The following RBM6 variants were observed in gnomAD, a reference collection of about 807,000 sequenced individuals.
RBM6 encodes the protein RNA binding motif protein 6.
RBM6 carries 23 observed loss-of-function variants against 140.4 expected under a neutral mutation model. The observed-to-expected ratio is 0.16, with a 90% CI of 0.12 to 0.23. RBM6 has a LOEUF of 0.23. Among genes scored for constraint, RBM6 ranks in the 10% least tolerant of loss-of-function variants. RBM6 has a pLI of 1.00. For missense variants in RBM6, 1,139 were observed against 1,386.7 expected, an observed-to-expected ratio of 0.82 and a Z score of 2.84; for synonymous variants, 439 against 475.6, an observed-to-expected ratio of 0.92 and a Z score of 1.00.
intron 5 of RBM6, 38 bp downstream of exon 5, chr3:49,975,430 A>G (rs771947816): frequency 3.4e-5 from 51 of 1,518,382 alleles, no homozygotes; most frequent in Non-Finnish European, 4.3e-5. Context: ...TGGGTTAGGA[A>G]GGGTCTTTGT....
intron 15 of RBM6, among the ~76,000 whole-genome samples, chr3:50,062,694 C>T (rs1233437421): frequency 1.3e-5 from 2 of 152,004 alleles, no homozygotes; most frequent in Admixed American, 6.6e-5. Context: ...TAGTGTTTGA[C>T]TTTATACACA....
intron 20 of RBM6, 101 bp downstream of exon 20, chr3:50,075,431 T>C: frequency 6.8e-7 from 1 of 1,461,422 alleles, no homozygotes; most frequent in Non-Finnish European, 9.3e-7. Flanking sequence ...TGCTGGGCTT[T>C]CTCTACTGCT....
rs35205938 is a variant in RBM6 at position 49,979,438 on chromosome 3, G to GTT, written c.1483+4063_1483+4064dup. ...TATTTGATGTGTATTTGCTTACTTTGTTTTTTTTTTTTTTTTTTGAGATGA... is the reference window on the plus strand; with the variant it reads ...TATTTGATGTGTATTTGCTTACTTTGTTTTTTTTTTTTTTTTTTTTGAGATGA... On this transcript the variant is annotated intron_variant, in intron 5 of 20. Coordinates refer to ENST00000266022, the MANE Select transcript of RBM6 (RefSeq NM_005777.3). Among the ~76,000 whole-genome samples the GTT allele has an allele frequency of 8.5e-4, 106 of 124,574 alleles. 2 individuals are homozygous for GTT. Among genetic ancestry groups the GTT allele is most frequent in the South Asian group, 1.6e-3 (6 of 3,774 alleles). 81.7% of individuals were successfully genotyped at this position (124,574 alleles called of 152,430 possible).
At chr3:49,947,592 C>G (rs2083551898) in intron 1 of RBM6, among the ~76,000 whole-genome samples, 3 of 152,122 alleles carry the variant, frequency 2.0e-5, no homozygotes, top group Non-Finnish European at 4.4e-5. Flanking sequence ...CAGAGGTTTT[C>G]ATTTTGATGA....
At chr3:49,955,690 A>G (rs562613049) in intron 1 of RBM6, among the ~76,000 whole-genome samples, 2 of 152,086 alleles carry the variant, frequency 1.3e-5, no homozygotes, top group Non-Finnish European at 2.9e-5. Flanking sequence ...TAAAAATACA[A>G]AAATTAGCTG....
At chr3:50,002,198 C>G (rs12637222) in intron 6 of RBM6, among the ~76,000 whole-genome samples, 11,941 of 152,026 alleles carry the variant, frequency 0.079, 517 homozygotes, top group African/African-American at 0.1. Context: ...AGAGATCCTC[C>G]TGTCTCAGCC....
intron 7 of RBM6, among the ~76,000 whole-genome samples, chr3:50,048,691 G>A (rs563814195): frequency 8.5e-5 from 13 of 152,240 alleles, no homozygotes; most frequent in Admixed American, 3.3e-4. Flanking sequence ...TTTGGGAGTC[G>A]TACATTTTTT....
At chr3:50,040,541 C>T (rs1343349461) in intron 6 of RBM6, among the ~76,000 whole-genome samples, 1 of 145,828 alleles carries the variant, frequency 6.9e-6, no homozygotes, top group Admixed American at 6.9e-5. Flanking sequence ...TACACACACA[C>T]ATGCATATAT....
At chr3:50,011,041 A>T (rs893930455) in intron 6 of RBM6, among the ~76,000 whole-genome samples, 1 of 151,662 alleles carries the variant, frequency 6.6e-6, no homozygotes, top group Non-Finnish European at 1.5e-5. Flanking sequence ...TCAGTTTGTC[A>T]GGAAGTTAGA....
Position 49,968,296 on chromosome 3 carries a change from A to G in RBM6, c.871A>G (p.Asn291Asp), listed in dbSNP as rs1227489230. The change falls in exon 3 of 21, where the codon AAT (asparagine) becomes GAT (aspartate). Residue 291 changes from asparagine (N) to aspartate (D), a missense_variant. Coordinates refer to ENST00000266022, the MANE Select transcript of RBM6 (RefSeq NM_005777.3). ...KDREMPPVDP[N>D]ILDYIQPSTQ... ...TAGGGAGATGCCCCCTGTGGATCCA[A>G]ATATTTTGGATTACATTCAGCCCTC... The G allele has an allele frequency of 2.5e-6, 4 of 1,613,996 alleles. No homozygotes were observed. The highest frequency in any genetic ancestry group is 1.1e-5 in the South Asian group (1 of 91,082).
chr3:50,051,623 A>C (rs2089470277), intron 7 of RBM6, among the ~76,000 whole-genome samples: 1 of 152,270 alleles, frequency 6.6e-6, no homozygotes, highest in South Asian at 2.1e-4. Context: ...CCTGGACATC[A>C]AGAGTGAAAC....
chr3:49,984,618 A>G (rs1244286372), intron 5 of RBM6, among the ~76,000 whole-genome samples: 1 of 148,590 alleles, frequency 6.7e-6, no homozygotes, highest in South Asian at 2.2e-4. Flanking sequence ...ATCACATCGC[A>G]TCGCATCGCA....
intron 4 of RBM6, 70 bp downstream of exon 4, chr3:49,972,218 T>C: frequency 1.6e-6 from 2 of 1,240,554 alleles, no homozygotes; most frequent in South Asian, 1.3e-5. Flanking sequence ...ATTTGAAAAA[T>C]TGTAGATTCA....
In RBM6 at chr3:50,024,385, T is replaced by C. The variant is rs141868661; in HGVS notation, c.1558-23860T>C. Among the ~76,000 whole-genome samples, 1,032 of 151,986 alleles carry C rather than the reference T, an allele frequency of 6.8e-3. 15 individuals are homozygous for C. The highest frequency in any genetic ancestry group is 0.024 in the African/African-American group (983 of 41,442). On this transcript the variant is annotated intron_variant, in intron 6 of 20. Transcript: ENST00000266022. ...CACCTGAATGAAAAAAACAGAACAC[T>C]GCTTCATATGGAGAAGCCCCTCCTG...
At chr3:50,071,811 C>T (rs551431606) in intron 19 of RBM6, among the ~76,000 whole-genome samples, 60 of 151,926 alleles carry the variant, frequency 3.9e-4, no homozygotes, top group Non-Finnish European at 3.5e-4. Flanking sequence ...GGGGGCCAGG[C>T]GTGGTGGCTT....
chr3:50,014,989 C>T (rs938270466), intron 6 of RBM6, among the ~76,000 whole-genome samples: 4 of 117,980 alleles, frequency 3.4e-5, no homozygotes, highest in East Asian at 5.5e-4. Flanking sequence ...GTGGAGGTTG[C>T]GGTGAGCCGA....
Position 49,967,535 on chromosome 3 carries a change from G to A in RBM6, c.110G>A (p.Ser37Asn). ...GATTATCCTCCTCCTCCCCTTAAGAGTCATGCTCAAGAGAGACACTCTGGC... is the reference window on the plus strand; with the variant it reads ...GATTATCCTCCTCCTCCCCTTAAGAATCATGCTCAAGAGAGACACTCTGGC... ...NRDYPPPPLK[S>N]HAQERHSGNF... Residue 37 changes from serine to asparagine, a missense_variant, in exon 3 of 21, where the codon AGT becomes AAT. Ser to Asn is a conservative substitution (Grantham distance 46). This residue lies in a region of RBM6 where 566 missense variants were observed against 612.7 expected (regional missense o/e 0.92). Coordinates refer to ENST00000266022, the MANE Select transcript of RBM6 (RefSeq NM_005777.3). The surrounding 1 kb of genome is among the most constrained non-coding windows in gnomAD (Gnocchi z 4.0). 1 of 1,614,136 alleles carries A rather than the reference G, an allele frequency of 6.2e-7. No homozygotes were observed. Among genetic ancestry groups the A allele is most frequent in the South Asian group, 1.1e-5 (1 of 91,080 alleles).
At chr3:49,974,668 G>A (rs1250179410) in intron 4 of RBM6, among the ~76,000 whole-genome samples, 2 of 133,120 alleles carry the variant, frequency 1.5e-5, no homozygotes, top group South Asian at 2.4e-4. Context: ...CACCGTGCCC[G>A]GCCAATTTTT....
intron 1 of RBM6, among the ~76,000 whole-genome samples, chr3:49,942,478 G>A (rs2083328305): frequency 7.1e-6 from 1 of 141,182 alleles, no homozygotes; most frequent in Admixed American, 7.5e-5. Flanking sequence ...AACAGAGCGA[G>A]ACTCCGAGAC....
Sources: allele counts gnomAD v4.1 joint callset (sites outside exome capture counted in the v4.1 genomes callset), GRCh38; gene constraint gnomAD v4.1.1; regional missense constraint gnomAD v4.1.1; non-coding constraint Gnocchi (gnomAD v3.1); transcripts MANE v1.5; gene names NCBI Gene and HGNC (gene_info 2026-07-23, HGNC 2026-07-21).